The following TMTC2 variants were observed in gnomAD, a reference collection of about 807,000 sequenced individuals.
The protein encoded by TMTC2 is protein O-mannosyl-transferase TMTC2.
TMTC2 carries 43 observed loss-of-function variants against 82.4 expected under a neutral mutation model. The observed-to-expected ratio is 0.52, with a 90% CI of 0.41 to 0.67. The LOEUF is 0.67. Among genes scored for constraint, TMTC2 ranks in the 30% least tolerant of loss-of-function variants. TMTC2 has a pLI of 0.00. For synonymous variants in TMTC2, 408 were observed against 381.9 expected, an observed-to-expected ratio of 1.07 and a Z score of -0.80; for missense variants, 919 against 1,012.4, an observed-to-expected ratio of 0.91 and a Z score of 1.25.
intron 8 of TMTC2, among the ~76,000 whole-genome samples, chr12:83,027,064 G>A (rs10862561): frequency 0.59 from 89,898 of 151,748 alleles, 27,157 homozygotes; most frequent in South Asian, 0.73. Context: ...AATAAATACT[G>A]GTTGTTTTTA....
chr12:82,829,472 G>T (rs1480050097), intron 1 of TMTC2, among the ~76,000 whole-genome samples: 2 of 152,082 alleles, frequency 1.3e-5, no homozygotes, highest in East Asian at 3.9e-4. Flanking sequence ...ATTTAAAAGA[G>T]AATTTACACC....
intron 8 of TMTC2, among the ~76,000 whole-genome samples, chr12:83,028,897 A>T (rs1881294958): frequency 6.6e-6 from 1 of 152,344 alleles, no homozygotes; most frequent in East Asian, 1.9e-4. Context: ...TGTGGGAAAC[A>T]TTGCAGGGAA....
At position 82,984,055 on chromosome 12, in the gene TMTC2, AT is replaced by A. The variant is rs200200203; in HGVS notation, c.1949-1868del. Among the ~76,000 whole-genome samples, 1,324 of 152,174 alleles carry A rather than the reference AT, an allele frequency of 8.7e-3. 17 individuals carry two copies. Among genetic ancestry groups the A allele is most frequent in the African/African-American group, 0.03 (1,254 of 41,546 alleles). On this transcript the variant is annotated intron_variant, in intron 7 of 11. Coordinates refer to ENST00000321196, the MANE Select transcript of TMTC2 (RefSeq NM_152588.3). ...AAAATTATTATAGAAATTTATGGAA[AT>A]TAAAAAAACAATTTCTAATCTATCA...
Position 82,745,066 on chromosome 12 carries a change from T to A in TMTC2, c.83+57397T>A, listed in dbSNP as rs564147167. On this transcript the variant is annotated intron_variant, in intron 1 of 11. Transcript: ENST00000321196. Reference sequence around the variant, plus strand: ...ATTGAAGAACTCCTCAGAATATAAATCCTTGTTTTATTGCTGGAAGGAAAA... The same window carrying A: ...ATTGAAGAACTCCTCAGAATATAAAACCTTGTTTTATTGCTGGAAGGAAAA... Among the ~76,000 whole-genome samples, 11 of 152,160 alleles carry A rather than the reference T, an allele frequency of 7.2e-5. No homozygotes were observed. The South Asian group carries it at 2.1e-3, about 29-fold the overall frequency.
intron 8 of TMTC2, among the ~76,000 whole-genome samples, chr12:82,988,288 A>G (rs1025338072): frequency 5.3e-5 from 8 of 152,154 alleles, no homozygotes; most frequent in African/African-American, 1.9e-4. Flanking sequence ...AATCTAAATA[A>G]ACTTTGGAAT....
At chr12:83,029,974 T>C (rs532989653) in intron 8 of TMTC2, among the ~76,000 whole-genome samples, 1 of 152,276 alleles carries the variant, frequency 6.6e-6, no homozygotes, top group Non-Finnish European at 1.5e-5. Context: ...TTAGCAGAAT[T>C]TTAGTCCTGA....
intron 3 of TMTC2, among the ~76,000 whole-genome samples, chr12:82,897,966 T>C (rs1481569268): frequency 3.2e-5 from 1 of 31,554 alleles, no homozygotes; most frequent in Admixed American, 3.0e-4. Context: ...AATAGGTGTA[T>C]ATATATATAT....
chr12:82,727,718 C>CAAAAA (rs770172730), intron 1 of TMTC2, among the ~76,000 whole-genome samples: 5 of 136,290 alleles, frequency 3.7e-5, no homozygotes. Flanking sequence ...GAGAGTGTCT[C>CAAAAA]AAAAAAAAAA....
At chr12:82,811,337 T>C (rs1868375952) in intron 1 of TMTC2, among the ~76,000 whole-genome samples, 1 of 152,182 alleles carries the variant, frequency 6.6e-6, no homozygotes, top group African/African-American at 2.4e-5. Flanking sequence ...GTATTAGGCA[T>C]TTTTCTAGTG....
chr12:83,001,504 G>A (rs10862537), intron 8 of TMTC2, among the ~76,000 whole-genome samples: 116,846 of 151,382 alleles, frequency 0.77, 46,477 homozygotes, highest in South Asian at 0.93. Context: ...GCTTGGTGGC[G>A]CATGCTTGTA....
At chr12:82,722,561 C>A in intron 1 of TMTC2, among the ~76,000 whole-genome samples, 1 of 60,366 alleles carries the variant, frequency 1.7e-5, no homozygotes, top group Admixed American at 2.8e-4. Flanking sequence ...AGTGAGACTC[C>A]ATCTCAAAAA....
chr12:82,900,617 T>C (rs1033152660), intron 3 of TMTC2, among the ~76,000 whole-genome samples: 2 of 136,976 alleles, frequency 1.5e-5, no homozygotes, highest in African/African-American at 5.6e-5. Context: ...TAGGAATATA[T>C]ATAGAGAGGA....
rs762401232 is a variant in TMTC2, at chr12:82,999,574, G to A, written c.2070+13528G>A. Among the ~76,000 whole-genome samples the A allele has an allele frequency of 3.3e-5, 5 of 152,134 alleles. No individual in the cohort carries two copies. The South Asian group carries it at 6.2e-4, about 19-fold the overall frequency. ...GCTGGGGAGGCCACAAAATCATGGC[G>A]GAAGGCAAAAAGGAGCAAGTCACAT... On this transcript the variant is annotated intron_variant, in intron 8 of 11. Coordinates refer to ENST00000321196, the MANE Select transcript of TMTC2 (RefSeq NM_152588.3).
chr12:83,114,883 G>A (rs911853221), intron 11 of TMTC2, among the ~76,000 whole-genome samples: 1 of 151,184 alleles, frequency 6.6e-6, no homozygotes, highest in African/African-American at 2.4e-5. Context: ...ATGTATATGT[G>A]TGTATATTTA....
intron 4 of TMTC2, among the ~76,000 whole-genome samples, chr12:82,961,138 T>G (rs1029501314): frequency 2.0e-5 from 3 of 151,436 alleles, no homozygotes; most frequent in Middle Eastern, 3.2e-3. Context: ...AATAATAAAG[T>G]AATATATGTA....
intron 8 of TMTC2, among the ~76,000 whole-genome samples, chr12:83,025,964 A>C (rs1881155587): frequency 2.0e-5 from 3 of 152,158 alleles, no homozygotes; most frequent in Admixed American, 2.0e-4. Flanking sequence ...GTTCTTATTC[A>C]CCAATGCAGA....
chr12:82,750,583 A>G (rs1875934623), intron 1 of TMTC2, among the ~76,000 whole-genome samples: 1 of 152,162 alleles, frequency 6.6e-6, no homozygotes, highest in Non-Finnish European at 1.5e-5. Flanking sequence ...GCTTTGTATG[A>G]ACTGGCTTAT....
At chr12:82,992,720 T>C (rs1037816396) in intron 8 of TMTC2, among the ~76,000 whole-genome samples, 5 of 152,170 alleles carry the variant, frequency 3.3e-5, no homozygotes, top group African/African-American at 1.2e-4. Flanking sequence ...AATATGCATT[T>C]GTTTTCTAGT....
intron 1 of TMTC2, among the ~76,000 whole-genome samples, chr12:82,690,803 T>G (rs1355119479): frequency 6.6e-6 from 1 of 152,194 alleles, no homozygotes; most frequent in Non-Finnish European, 1.5e-5. Flanking sequence ...AGTTATGTTG[T>G]ATGTGATTCC....
Sources: gnomAD v4.1 joint callset for allele counts (sites outside exome capture counted in the v4.1 genomes callset) on GRCh38, gnomAD v4.1.1 for gene constraint, MANE v1.5 for transcripts, NCBI Gene and HGNC (gene_info 2026-07-23, HGNC 2026-07-21) for gene names.